The following ANKRD33B variants were observed in gnomAD, a reference collection of about 807,000 sequenced individuals.
The protein encoded by ANKRD33B is ankyrin repeat domain 33B.
Under a neutral mutation model 21.5 loss-of-function variants are expected in ANKRD33B, and 6 were observed. The ratio of observed to expected loss-of-function variants is 0.28; its 90% confidence interval spans 0.15 to 0.55. The LOEUF (loss-of-function observed/expected upper bound fraction) is 0.55. Ranked by LOEUF, ANKRD33B falls within the 20% of genes least tolerant of loss-of-function variation. ANKRD33B has a pLI of 0.94. For synonymous variants in ANKRD33B, 347 were observed against 342.4 expected, an observed-to-expected ratio of 1.01 and a Z score of -0.15; for missense variants, 698 against 747.2, an observed-to-expected ratio of 0.93 and a Z score of 0.77.
chr5:10,641,475 C>G (rs918734948), intron 3 of ANKRD33B, among the ~76,000 whole-genome samples: 2 of 151,888 alleles, frequency 1.3e-5, no homozygotes, highest in African/African-American at 4.8e-5. Context: ...GTGATCTGCC[C>G]GCCTTAGCCT....
rs1202060130 is a variant in ANKRD33B, at chr5:10,649,330, G to A, written c.702G>A (p.Thr234=). The change falls in exon 4 of 4, where the codon ACG becomes ACA. Residue 234 remains threonine (T), a synonymous_variant. Coordinates refer to ENST00000296657, the MANE Select transcript of ANKRD33B (RefSeq NM_001164440.2). ...GMSPQEWATY[T]GRVDAVRLMQ... ...CGCCGCAGGAGTGGGCCACTTACAC[G>A]GGCCGCGTGGATGCCGTCCGTCTCA... 1.2e-5 allele frequency: 19 copies of A among 1,534,416 alleles called. No homozygotes were observed. Among genetic ancestry groups the A allele is most frequent in the Non-Finnish European group, 1.5e-5 (17 of 1,146,426 alleles).
chr5:10,611,292 C>G lies in ANKRD33B; in HGVS notation c.367-7041C>G, dbSNP rs1156839576. Among the ~76,000 whole-genome samples the G allele has an allele frequency of 3.3e-5, 5 of 152,122 alleles. No homozygotes were observed. In the East Asian group the frequency reaches 9.6e-4, roughly 29 times the overall value. On this transcript the variant is annotated intron_variant, in intron 1 of 3. Transcript: ENST00000296657. ...TACCAATGAAGACATGGGTGTTTAT[C>G]TTACTTATCTTACTTTCTATTTTAC... is the stretch of plus-strand genomic sequence containing the variant.
At position 10,619,553 on chromosome 5, in the gene ANKRD33B, G is replaced by A. The variant is rs973518006; in HGVS notation, c.496+1091G>A. Among the ~76,000 whole-genome samples, 1 of 152,194 alleles carries A rather than the reference G, an allele frequency of 6.6e-6. No individual in the cohort carries two copies. Among genetic ancestry groups the A allele is most frequent in the Non-Finnish European group, 1.5e-5 (1 of 68,044 alleles). On this transcript the variant is annotated intron_variant, in intron 2 of 3. Coordinates refer to ENST00000296657, the MANE Select transcript of ANKRD33B (RefSeq NM_001164440.2). The surrounding 1 kb of genome is among the most constrained non-coding windows in gnomAD (Gnocchi z 4.5). ...AGTTTCATCCCCTGTGGTGGGAGTG[G>A]TCTGGGCACCCTACTTTTCAATCAA...
chr5:10,618,397 C>T lies in ANKRD33B; in HGVS notation c.431C>T (p.Pro144Leu), dbSNP rs548692422. 6.5e-7 allele frequency: 1 copy of T among 1,537,678 alleles called. No individual in the cohort carries two copies. The highest frequency in any genetic ancestry group is 1.2e-5 in the South Asian group (1 of 84,046). ...ACCGTGGTGGCCTTAGCAGAGTGCC[C>T]CCACGTTGACGTCAACTGGCAGGAC... is the stretch of plus-strand genomic sequence containing the variant. Reference protein sequence around the residue: ...VDTVVALAECPHVDVNWQDSE... With the variant: ...VDTVVALAECLHVDVNWQDSE... The change falls in exon 2 of 4, where the codon CCC becomes CTC. Residue 144 changes from proline (P) to leucine (L), a missense_variant. By Grantham distance (98) the Pro-to-Leu change is moderately conservative (BLOSUM62 -3). This residue lies in a region of ANKRD33B where 543 missense variants were observed against 566.5 expected (regional missense o/e 0.96). Coordinates refer to ENST00000296657, the MANE Select transcript of ANKRD33B (RefSeq NM_001164440.2).
At chr5:10,584,693 G>A (rs147490063) in intron 1 of ANKRD33B, among the ~76,000 whole-genome samples, 28 of 152,342 alleles carry the variant, frequency 1.8e-4, no homozygotes, top group Non-Finnish European at 2.9e-4. Context: ...GCCAGGCGCT[G>A]TTCTAGGGGA....
chr5:10,628,617 C>T (rs1398452588), intron 2 of ANKRD33B, among the ~76,000 whole-genome samples: 1 of 152,220 alleles, frequency 6.6e-6, no homozygotes, highest in East Asian at 1.9e-4. Context: ...GCTGGGATTA[C>T]AGGCACGAGC....
At position 10,638,098 on chromosome 5, in the gene ANKRD33B, C is replaced by T. The variant is rs1172665346; in HGVS notation, c.567C>T (p.Phe189=). 7.2e-6 allele frequency: 11 copies of T among 1,537,380 alleles called. No individual in the cohort carries two copies. Among genetic ancestry groups the T allele is most frequent in the African/African-American group, 1.4e-5 (1 of 73,020 alleles). ...TTGACCTTGAAAGGAGGAACGCGTT[C>T]GGGTTCACCGCCCTGATGAAAGCCG... is the stretch of plus-strand genomic sequence containing the variant. The part of the protein sequence containing the change: ...PGLDLERRNA[F]GFTALMKAAM... Residue 189 remains phenylalanine (F), a synonymous_variant, in exon 3 of 4, where the codon TTC becomes TTT. Transcript: ENST00000296657.
intron 1 of ANKRD33B, among the ~76,000 whole-genome samples, chr5:10,607,831 ATCT>A (rs1420940709): frequency 6.6e-6 from 1 of 152,176 alleles, no homozygotes; most frequent in Non-Finnish European, 1.5e-5. Flanking sequence ...CTGTGAGTTC[ATCT>A]TCTTATTTAA....
intron 2 of ANKRD33B, among the ~76,000 whole-genome samples, chr5:10,628,827 G>T (rs887386539): frequency 2.0e-5 from 3 of 152,166 alleles, no homozygotes; most frequent in Non-Finnish European, 2.9e-5. Flanking sequence ...TGGACGATGA[G>T]ACACCGTGGG....
At chr5:10,582,989 C>CTTTT (rs5865896) in intron 1 of ANKRD33B, among the ~76,000 whole-genome samples, 2 of 138,500 alleles carry the variant, frequency 1.4e-5, no homozygotes. Flanking sequence ...ATTGTCCCTG[C>CTTTT]TTTTTTTTTT....
chr5:10,618,221 C>A, intron 1 of ANKRD33B, 112 bp from the exon 2 acceptor site: 1 of 1,391,892 alleles, frequency 7.2e-7, no homozygotes, highest in South Asian at 1.3e-5. Flanking sequence ...AGGTCCCTGT[C>A]ATTGCCTTGT....
At chr5:10,587,627 C>T (rs986632166) in intron 1 of ANKRD33B, among the ~76,000 whole-genome samples, 3 of 150,972 alleles carry the variant, frequency 2.0e-5, no homozygotes, top group African/African-American at 7.3e-5. Context: ...ACCTGTATTC[C>T]CAGTACCTGG....
intron 2 of ANKRD33B, among the ~76,000 whole-genome samples, chr5:10,631,148 G>T (rs1736702025): frequency 6.6e-6 from 1 of 152,200 alleles, no homozygotes; most frequent in Admixed American, 6.5e-5. Flanking sequence ...CTGCCTTGGG[G>T]AAGAGGGATT....
At chr5:10,584,974 T>C (rs77659216) in intron 1 of ANKRD33B, among the ~76,000 whole-genome samples, 1 of 152,318 alleles carries the variant, frequency 6.6e-6, no homozygotes, top group East Asian at 1.9e-4. Flanking sequence ...CCTTCCAGGC[T>C]GGTGGAGCAG....
intron 2 of ANKRD33B, chr5:10,624,724 G>C (rs1484565866): frequency 2.2e-6 from 1 of 455,642 alleles, no homozygotes; most frequent in Non-Finnish European, 4.4e-6. Flanking sequence ...TGAACCTCCA[G>C]GGGCTGCCCC....
At chr5:10,612,764 G>T (rs1215286648) in intron 1 of ANKRD33B, among the ~76,000 whole-genome samples, 1 of 152,060 alleles carries the variant, frequency 6.6e-6, no homozygotes, top group African/African-American at 2.4e-5. Context: ...ATTTTAATTT[G>T]CATTGTCTTA....
At chr5:10,641,051 C>T (rs548986715) in intron 3 of ANKRD33B, among the ~76,000 whole-genome samples, 1 of 152,208 alleles carries the variant, frequency 6.6e-6, no homozygotes, top group African/African-American at 2.4e-5. Context: ...TTTGGAGGGT[C>T]GTCAACATTC....
chr5:10,568,297 G>A (rs1351150118), intron 1 of ANKRD33B, among the ~76,000 whole-genome samples: 1 of 152,208 alleles, frequency 6.6e-6, no homozygotes, highest in African/African-American at 2.4e-5. Flanking sequence ...CTGACTTGAG[G>A]CAGTGCAAGC....
At position 10,649,686 on chromosome 5, in the gene ANKRD33B, G is replaced by T; in HGVS notation, c.1058G>T (p.Gly353Val). Reference protein sequence around the residue: ...QEILAARAARGPQAQEEDEVG... With the variant: ...QEILAARAARVPQAQEEDEVG... ...ATCCTGGCGGCGCGGGCTGCACGGG[G>T]CCCCCAGGCGCAGGAGGAGGATGAG... is the stretch of plus-strand genomic sequence containing the variant. Residue 353 changes from glycine (G) to valine (V), a missense_variant, in exon 4 of 4, where the codon GGC (glycine) becomes GTC (valine). This residue lies in a region of ANKRD33B where 543 missense variants were observed against 566.5 expected (regional missense o/e 0.96). Transcript: ENST00000296657. 6.6e-7 allele frequency: 1 copy of T among 1,523,058 alleles called. No individual in the cohort carries two copies. The highest frequency in any genetic ancestry group is 1.2e-5 in the South Asian group (1 of 82,922). The allele number at this position is 1,523,058 out of a possible 1,614,324, so 94.3% of individuals were successfully genotyped here. A position where few individuals can be genotyped will look rare whatever the true frequency, so the allele number is the denominator to read the frequency against.
Sources: gnomAD v4.1 joint callset for allele counts (sites outside exome capture counted in the v4.1 genomes callset) on GRCh38, gnomAD v4.1.1 for gene constraint, gnomAD v4.1.1 regional missense constraint, Gnocchi (gnomAD v3.1) non-coding constraint, MANE v1.5 for transcripts, NCBI Gene and HGNC (gene_info 2026-07-23, HGNC 2026-07-21) for gene names.